Variants in CTSH observed in about 807,000 individuals in gnomAD.
CTSH encodes the protein cathepsin H.
CTSH carries 52 observed loss-of-function variants against 56.3 expected under a neutral mutation model. The observed-to-expected ratio is 0.92, with a 90% CI of 0.74 to 1.16. The LOEUF is 1.16. Among genes scored for constraint, CTSH ranks in the 50% most tolerant of loss-of-function variants. The pLI is 0.00. For synonymous variants in CTSH, 174 were observed against 155.7 expected, an observed-to-expected ratio of 1.12 and a Z score of -0.88; for missense variants, 406 against 424.5, an observed-to-expected ratio of 0.96 and a Z score of 0.38.
chr15:78,932,589 C>T (rs1214595513), intron 5 of CTSH, 131 bp from the exon 6 acceptor site: 7 of 659,836 alleles, frequency 1.1e-5, no homozygotes, highest in Non-Finnish European at 1.6e-5. Flanking sequence ...TTACCAAGCC[C>T]TGTTCCAGAT....
chr15:78,925,678 G>A, intron 9 of CTSH: 1 of 452,612 alleles, frequency 2.2e-6, no homozygotes, highest in Non-Finnish European at 4.1e-6. Flanking sequence ...AGGGACCACG[G>A]GGTACAGCGT....
At chr15:78,932,547 A>G in intron 5 of CTSH, 89 bp from the exon 6 acceptor site, 2 of 951,440 alleles carry the variant, frequency 2.1e-6, no homozygotes, top group South Asian at 2.8e-5. Flanking sequence ...TGACCCTGCC[A>G]GAGCTCCCGA....
At chr15:78,927,584 A>G (rs1003434305) in intron 9 of CTSH, 129 bp downstream of exon 9, 61 of 778,256 alleles carry the variant, frequency 7.8e-5, no homozygotes, top group Non-Finnish European at 1.1e-5. Context: ...ACCCAGGGAT[A>G]ATATGAACTC....
chr15:78,922,271 T>C (rs2141511067), intron 11 of CTSH, 66 bp from the exon 12 acceptor site: 1 of 1,357,604 alleles, frequency 7.4e-7, no homozygotes, highest in Non-Finnish European at 1.0e-6. Flanking sequence ...CTAGAATGTT[T>C]TGCTGCTCAC....
At chr15:78,926,939 G>T (rs1320433087) in intron 9 of CTSH, 1 of 152,206 alleles carries the variant, frequency 6.6e-6, no homozygotes, top group African/African-American at 2.4e-5. Flanking sequence ...AATGGCAGCC[G>T]CTGTCATTAC....
intron 1 of CTSH, chr15:78,944,619 T>G: frequency 2.3e-5 from 9 of 388,182 alleles, no homozygotes; most frequent in East Asian, 4.3e-5. Context: ...GCGGGCTCCT[T>G]TGGTATTCTA....
At chr15:78,925,585 T>C in intron 9 of CTSH, 145 bp from the exon 10 acceptor site, 1 of 600,174 alleles carries the variant, frequency 1.7e-6, no homozygotes, top group Non-Finnish European at 3.0e-6. Context: ...CTCTCTCCCT[T>C]CCTGTCTCTG....
intron 6 of CTSH, chr15:78,931,934 C>A (rs2055069720): frequency 8.5e-7 from 1 of 1,177,140 alleles, no homozygotes; most frequent in African/African-American, 1.6e-5. Context: ...CCTTTCTCCA[C>A]AGAGGCAGGG....
At chr15:78,932,940 C>T (rs1194894347) in intron 5 of CTSH, among the ~76,000 whole-genome samples, 1 of 131,932 alleles carries the variant, frequency 7.6e-6, no homozygotes, top group African/African-American at 3.1e-5. Flanking sequence ...ACCTTTCCAC[C>T]TCCAGTCTCT....
chr15:78,931,213 G>A (rs2055052550), intron 7 of CTSH, among the ~76,000 whole-genome samples: 1 of 152,140 alleles, frequency 6.6e-6, no homozygotes, highest in African/African-American at 2.4e-5. Context: ...GCACTGTGGA[G>A]AGCCAGGTGA....
At chr15:78,925,491 C>T in intron 9 of CTSH, 51 bp from the exon 10 acceptor site, 4 of 1,248,534 alleles carry the variant, frequency 3.2e-6, no homozygotes, top group Non-Finnish European at 4.7e-6. Context: ...CCTCCCCACT[C>T]CTTTCACAGT....
At chr15:78,931,585 G>T (rs771234055) in intron 6 of CTSH, 79 bp from the exon 7 acceptor site, 41 of 1,609,608 alleles carry the variant, frequency 2.5e-5, no homozygotes, top group Non-Finnish European at 3.3e-5. Flanking sequence ...AGCCTCCCTG[G>T]CTGAGCCACA....
chr15:78,928,522 G>A lies in CTSH; in HGVS notation c.631-741C>T, dbSNP rs180853475. On this transcript the variant is annotated intron_variant, in intron 8 of 11. Coordinates refer to ENST00000220166, the MANE Select transcript of CTSH (RefSeq NM_004390.5). ...GGAGGTTGCAGTGAGCCGAGATTGC[G>A]CCATTGCACTCCAGCCTGGGCAACA... Among the ~76,000 whole-genome samples the A allele has an allele frequency of 3.7e-3, 504 of 135,468 alleles. 3 individuals carry two copies. Among genetic ancestry groups the A allele is most frequent in the Non-Finnish European group, 4.9e-3 (320 of 65,780 alleles). The allele number at this position is 135,468 out of a possible 152,430, so 88.9% of individuals were successfully genotyped here.
At chr15:78,930,087 G>A (rs887737238) in intron 7 of CTSH, among the ~76,000 whole-genome samples, 2 of 152,182 alleles carry the variant, frequency 1.3e-5, no homozygotes, top group Non-Finnish European at 2.9e-5. Flanking sequence ...CCTTGACTGT[G>A]GTCTCTCTGA....
At chr15:78,933,559 G>C (rs73470395) in intron 5 of CTSH, 254 of 455,000 alleles carry the variant, frequency 5.6e-4, no homozygotes, top group African/African-American at 4.5e-3. Context: ...TCTCTCAGCT[G>C]GGGGAGGGAG....
In CTSH at chr15:78,945,005, T is replaced by C. The variant is rs951122054; in HGVS notation, c.-24A>G. The C allele has an allele frequency of 1.1e-5, 17 of 1,515,650 alleles. No homozygotes were observed. The highest frequency in any genetic ancestry group is 1.4e-5 in the Non-Finnish European group (16 of 1,133,086). The allele number at this position is 1,515,650 out of a possible 1,614,324, so 93.9% of individuals were successfully genotyped here. A position where few individuals can be genotyped will look rare whatever the true frequency, so the allele number is the denominator to read the frequency against. On this transcript the variant is annotated 5_prime_UTR_variant, in exon 1 of 12. Transcript: ENST00000220166. ...ATCGCAGCGCTGGCGGCTTGGCTCTTGCGCTCAGGGTCCGCGGAGGTGGCG... is the reference window on the plus strand; with the variant it reads ...ATCGCAGCGCTGGCGGCTTGGCTCTCGCGCTCAGGGTCCGCGGAGGTGGCG...
intron 5 of CTSH, among the ~76,000 whole-genome samples, chr15:78,933,916 C>T (rs1338206899): frequency 6.6e-6 from 1 of 152,216 alleles, no homozygotes; most frequent in Non-Finnish European, 1.5e-5. Flanking sequence ...CTTAGCCCAG[C>T]CGGCTGCGTC....
chr15:78,931,489 C>T lies in CTSH; in HGVS notation c.510G>A (p.Val170=). 1 of 1,614,232 alleles carries T rather than the reference C, an allele frequency of 6.2e-7. No homozygotes were observed. The highest frequency in any genetic ancestry group is 1.7e-5 in the Admixed American group (1 of 60,026). ...GATTATTGAAGTCCTGGGCGCAGTC[C>T]ACCAGCTGCTGTTCCGCCTGGAAGA... ...KMLSLAEQQL[V]DCAQDFNNHG... is the part of the protein sequence containing the mutation. Residue 170 remains valine, a synonymous_variant, in exon 7 of 12, where the codon GTG becomes GTA. Transcript: ENST00000220166.
chr15:78,936,857 A>G (rs12592898), intron 3 of CTSH, among the ~76,000 whole-genome samples: 129,101 of 152,146 alleles, frequency 0.85, 55,027 homozygotes, highest in East Asian at 0.94. Context: ...TTGAACTCCC[A>G]ACCTCAGGTG....
Sources: gnomAD v4.1 joint callset for allele counts (sites outside exome capture counted in the v4.1 genomes callset) on GRCh38, gnomAD v4.1.1 for gene constraint, MANE v1.5 for transcripts, NCBI Gene and HGNC (gene_info 2026-07-23, HGNC 2026-07-21) for gene names.